IQCM: variants seen among roughly 807,000 people sequenced by gnomAD.
IQCM encodes IQ domain-containing protein M.
Under a neutral mutation model 57.6 loss-of-function variants are expected in IQCM, and 45 were observed. The observed-to-expected ratio is 0.78, with a 90% CI of 0.62 to 1.00. The LOEUF (loss-of-function observed/expected upper bound fraction) is 1.00. IQCM is among the 50% of genes least tolerant of loss of function. The probability of loss-of-function intolerance (pLI) is 0.00; values close to 1 mark genes in which losing one functional copy is unlikely to be tolerated. For synonymous variants in IQCM, 148 were observed against 158.9 expected (o/e 0.93, Z 0.51); for missense variants, 468 against 511.6 (o/e 0.91, Z 0.82).
chr4:149,394,263 A>C (rs1732067415), intron 13 of IQCM, among the ~76,000 whole-genome samples: 1 of 151,784 alleles, frequency 6.6e-6, no homozygotes, highest in African/African-American at 2.4e-5. Flanking sequence ...TTCTTTCATT[A>C]TTTCTTTGAT....
chr4:149,574,202 C>T (rs1008403622), intron 9 of IQCM, among the ~76,000 whole-genome samples: 8 of 151,898 alleles, frequency 5.3e-5, no homozygotes, highest in African/African-American at 1.9e-4. Context: ...TAGAGAATCA[C>T]AGAAATTATT....
intron 9 of IQCM, among the ~76,000 whole-genome samples, chr4:149,582,713 A>C (rs926224549): frequency 1.1e-4 from 16 of 151,610 alleles, no homozygotes; most frequent in Non-Finnish European, 3.0e-5. Flanking sequence ...TCACCTGAGA[A>C]ATGTTATTCA....
At chr4:149,401,164 C>A (rs1318214255) in intron 13 of IQCM, among the ~76,000 whole-genome samples, 1 of 151,482 alleles carries the variant, frequency 6.6e-6, no homozygotes, top group Admixed American at 6.6e-5. Flanking sequence ...TGATGTAAGT[C>A]CCCCCAAAAA....
chr4:149,424,697 A>G (rs1393276070), intron 13 of IQCM, among the ~76,000 whole-genome samples: 1 of 151,886 alleles, frequency 6.6e-6, no homozygotes, highest in Non-Finnish European at 1.5e-5. Context: ...ATTCAATGAC[A>G]TAACTGTAAT....
At chr4:149,509,275 T>C (rs1235743288) in intron 12 of IQCM, among the ~76,000 whole-genome samples, 1 of 152,024 alleles carries the variant, frequency 6.6e-6, no homozygotes, top group Non-Finnish European at 1.5e-5. Flanking sequence ...ACTTTTTCTT[T>C]TTTCTTTTTT....
intron 9 of IQCM, among the ~76,000 whole-genome samples, chr4:149,571,757 A>G (rs1308310527): frequency 1.3e-5 from 2 of 152,096 alleles, no homozygotes; most frequent in Admixed American, 1.3e-4. Flanking sequence ...AATACATACA[A>G]TTTTGTCTGT....
chr4:149,666,035 TG>T (rs1381790358), intron 7 of IQCM: 1 of 152,260 alleles, frequency 6.6e-6, no homozygotes, highest in Non-Finnish European at 1.5e-5. Context: ...TTTGAGGTTT[TG>T]GGACTCAGAC....
chr4:149,389,401 A>G (rs1731679315), intron 13 of IQCM, among the ~76,000 whole-genome samples: 1 of 151,988 alleles, frequency 6.6e-6, no homozygotes, highest in Non-Finnish European at 1.5e-5. Context: ...ATAAAGACAC[A>G]TGCACACGTA....
intron 7 of IQCM, among the ~76,000 whole-genome samples, chr4:149,641,954 A>G (rs1423311452): frequency 6.6e-6 from 1 of 152,158 alleles, no homozygotes; most frequent in Non-Finnish European, 1.5e-5. Context: ...TAGTTCAACA[A>G]TTTCACTGTA....
At chr4:149,465,808 G>A (rs1375524529) in intron 12 of IQCM, among the ~76,000 whole-genome samples, 4 of 151,590 alleles carry the variant, frequency 2.6e-5, no homozygotes, top group Admixed American at 2.6e-4. Flanking sequence ...CTGTGCTACT[G>A]GAATGGAGAA....
intron 13 of IQCM, among the ~76,000 whole-genome samples, chr4:149,380,392 G>A (rs1480901858): frequency 6.6e-6 from 1 of 152,092 alleles, no homozygotes; most frequent in Non-Finnish European, 1.5e-5. Flanking sequence ...TATTATTCCA[G>A]ATGTAATTAC....
At chr4:149,522,342 T>C (rs1745738781) in intron 12 of IQCM, among the ~76,000 whole-genome samples, 1 of 152,136 alleles carries the variant, frequency 6.6e-6, no homozygotes, top group Admixed American at 6.5e-5. Context: ...AATAATGCTA[T>C]GCTCCAGGAA....
At chr4:149,621,333 C>T (rs956507581) in intron 7 of IQCM, 89 bp from the exon 8 acceptor site, 8 of 497,716 alleles carry the variant, frequency 1.6e-5, no homozygotes, top group Admixed American at 4.4e-5. Context: ...AAGAGTAAAG[C>T]AAATCATCTT....
chr4:149,428,809 T>G (rs1734628836), intron 13 of IQCM, among the ~76,000 whole-genome samples: 1 of 151,828 alleles, frequency 6.6e-6, no homozygotes, highest in Admixed American at 6.6e-5. Flanking sequence ...GAAATCAGGT[T>G]CTAGTATTAA....
chr4:149,558,875 T>C (rs1229062049), intron 10 of IQCM, among the ~76,000 whole-genome samples: 1 of 152,252 alleles, frequency 6.6e-6, no homozygotes, highest in Admixed American at 6.5e-5. Context: ...TATACTCAAC[T>C]GCTTCCCAGA....
intron 13 of IQCM, among the ~76,000 whole-genome samples, chr4:149,361,321 G>A (rs558544844): frequency 1.3e-5 from 2 of 152,308 alleles, no homozygotes; most frequent in African/African-American, 4.8e-5. Flanking sequence ...ATTTTCTGGG[G>A]AGAAATTCAA....
At chr4:149,658,695 A>G (rs1253154639) in intron 7 of IQCM, among the ~76,000 whole-genome samples, 2 of 152,054 alleles carry the variant, frequency 1.3e-5, no homozygotes, top group Non-Finnish European at 2.9e-5. Flanking sequence ...CATCTTTCAC[A>G]ACTTTGGTTT....
chr4:149,618,675 G>A (rs896526638), intron 8 of IQCM, among the ~76,000 whole-genome samples: 14 of 151,938 alleles, frequency 9.2e-5, no homozygotes, highest in African/African-American at 2.7e-4. Context: ...GTGGGCAAAG[G>A]ACATAAGTGG....
intron 13 of IQCM, among the ~76,000 whole-genome samples, chr4:149,354,494 G>A (rs977027451): frequency 2.6e-4 from 39 of 150,726 alleles, no homozygotes; most frequent in African/African-American, 9.3e-4. Context: ...CCTAATTTAC[G>A]ACAGTTATAC....
Sources: gnomAD v4.1 joint callset for allele counts (sites outside exome capture counted in the v4.1 genomes callset) on GRCh38, gnomAD v4.1.1 for gene constraint, MANE v1.5 for transcripts, NCBI Gene and HGNC (gene_info 2026-07-23, HGNC 2026-07-21) for gene names.